WASHC2A: variants seen among roughly 807,000 people sequenced by gnomAD.
WASHC2A encodes WASH complex subunit 2A.
WASHC2A carries 82 observed loss-of-function variants against 140.3 expected under a neutral mutation model. The ratio of observed to expected loss-of-function variants is 0.58; its 90% CI spans 0.49 to 0.70. WASHC2A has a LOEUF of 0.70. Ranked by LOEUF, WASHC2A falls within the 30% of genes least tolerant of loss-of-function variation. The pLI is 0.00. For synonymous variants in WASHC2A, 340 were observed against 560.8 expected, an observed-to-expected ratio of 0.61 and a Z score of 5.56; for missense variants, 985 against 1,521.8, an observed-to-expected ratio of 0.65 and a Z score of 5.87.
At chr10:50,090,376 G>A (rs1424756475) in intron 8 of WASHC2A, among the ~76,000 whole-genome samples, 3 of 150,538 alleles carry the variant, frequency 2.0e-5, no homozygotes, top group East Asian at 2.0e-4. Context: ...GGTGGTGCAT[G>A]CGTGTAATCC....
chr10:50,123,232 G>A lies in WASHC2A; in HGVS notation c.2479-1881G>A, dbSNP rs1414516430. Among the ~76,000 whole-genome samples the A allele has an allele frequency of 4.9e-5, 6 of 122,334 alleles. No individual in the cohort carries two copies. In the South Asian group the frequency reaches 1.7e-3, roughly 34 times the overall value. The allele number at this position is 122,334 out of a possible 152,430, so 80.3% of individuals were successfully genotyped here. A position where few individuals can be genotyped will look rare whatever the true frequency, so the allele number is the denominator to read the frequency against. On this transcript the variant is annotated intron_variant, in intron 23 of 30. Transcript: ENST00000282633. Reference sequence around the variant, plus strand: ...ATAACATAAAGCTACCACACAATCCGGAATTTTATTCCTGGGTACATATCC... The same window carrying A: ...ATAACATAAAGCTACCACACAATCCAGAATTTTATTCCTGGGTACATATCC...
intron 28 of WASHC2A, among the ~76,000 whole-genome samples, chr10:50,128,235 C>T (rs1372809932): frequency 6.6e-6 from 1 of 151,976 alleles, no homozygotes; most frequent in Admixed American, 6.6e-5. Flanking sequence ...TCACTTCACA[C>T]TTTCCAGCCT....
intron 5 of WASHC2A, among the ~76,000 whole-genome samples, chr10:50,082,469 A>G (rs1554879996): frequency 7.4e-6 from 1 of 134,800 alleles, no homozygotes; most frequent in African/African-American, 2.5e-5. Flanking sequence ...AGGGTGGAGC[A>G]CTTTCTTGAC....
rs1405476342 is a variant in WASHC2A, at chr10:50,129,832, A to C, written c.3501A>C (p.Ala1167=). The change falls in exon 29 of 31, where the codon GCA becomes GCC. Residue 1167 remains alanine (A), a synonymous_variant. Coordinates refer to ENST00000282633, the MANE Select transcript of WASHC2A (RefSeq NM_001005751.3). ...NPANPPVGGK[A]KSPMFPALGE... is the part of the protein sequence containing the mutation. ...CCAACCCACCAGTGGGTGGTAAAGC[A>C]AAGAGCCCCATGTTTCCTGCTCTAG... 1 of 1,611,948 alleles carries C rather than the reference A, an allele frequency of 6.2e-7. No homozygotes were observed. The highest frequency in any genetic ancestry group is 8.5e-7 in the Non-Finnish European group (1 of 1,179,878).
rs1249825892 is a variant in WASHC2A at position 50,081,553 on chromosome 10, C to T, written c.528+622C>T. 2.0e-3 allele frequency among the ~76,000 whole-genome samples: 280 copies of T among 138,712 alleles called. 1 individual carries two copies. The highest frequency in any genetic ancestry group is 7.4e-3 in the African/African-American group (273 of 36,818). The allele number at this position is 138,712 out of a possible 152,430, so 91.0% of individuals were successfully genotyped here. A position where few individuals can be genotyped will look rare whatever the true frequency, so the allele number is the denominator to read the frequency against. ...TGACACAGAGTCTCTCGGTAGTGAA[C>T]ACAGAAAGTTACCACAGTGATTTAT... is the stretch of plus-strand genomic sequence containing the variant. On this transcript the variant is annotated intron_variant, in intron 5 of 30. Coordinates refer to ENST00000282633, the MANE Select transcript of WASHC2A (RefSeq NM_001005751.3).
intron 20 of WASHC2A, among the ~76,000 whole-genome samples, chr10:50,111,694 T>C (rs1842300377): frequency 6.6e-6 from 1 of 152,186 alleles, no homozygotes; most frequent in Non-Finnish European, 1.5e-5. Context: ...CTGTGTTGCC[T>C]GGCCACCTTC....
chr10:50,097,937 T>G, intron 16 of WASHC2A, 135 bp downstream of exon 16: 1 of 1,244,900 alleles, frequency 8.0e-7, no homozygotes, highest in Non-Finnish European at 1.1e-6. Context: ...GAAAGAACAT[T>G]GCAGTGAACA....
chr10:50,088,945 C>A, intron 8 of WASHC2A, among the ~76,000 whole-genome samples: 1 of 94,988 alleles, frequency 1.1e-5, no homozygotes, highest in East Asian at 2.5e-4. Context: ...TAAATGCAAA[C>A]AGTTTTTCTT....
intron 8 of WASHC2A, among the ~76,000 whole-genome samples, chr10:50,090,515 A>AAAAAAAATATATATATATATATAT (rs1214596899): frequency 6.4e-5 from 7 of 108,760 alleles, no homozygotes; most frequent in African/African-American, 2.3e-4. Flanking sequence ...AAAAAAAAAA[A>AAAAAAAATATATATATATATATAT]ATATATATAT....
At chr10:50,098,259 T>C in intron 16 of WASHC2A, among the ~76,000 whole-genome samples, 1 of 152,134 alleles carries the variant, frequency 6.6e-6, no homozygotes, top group South Asian at 2.1e-4. Context: ...CCAGAATGTC[T>C]TTGTAAAATC....
chr10:50,129,540 C>T lies in WASHC2A; in HGVS notation c.3209C>T (p.Ala1070Val). 6.2e-7 allele frequency: 1 copy of T among 1,612,022 alleles called. No individual in the cohort carries two copies. Among genetic ancestry groups the T allele is most frequent in the South Asian group, 1.1e-5 (1 of 90,988 alleles). Residue 1070 changes from alanine to valine, a missense_variant, in exon 29 of 31, where the codon GCT becomes GTT. Transcript: ENST00000282633. ...SVPRGPIAQW[A>V]DGAISPNGHR... is the part of the protein sequence containing the mutation. Reference sequence around the variant, plus strand: ...CCCAGAGGACCCATTGCACAGTGGGCTGATGGCGCCATTTCCCCAAATGGC... The same window carrying T: ...CCCAGAGGACCCATTGCACAGTGGGTTGATGGCGCCATTTCCCCAAATGGC...
chr10:50,094,622 C>T lies in WASHC2A; in HGVS notation c.1181-526C>T, dbSNP rs1369653448. Reference sequence around the variant, plus strand: ...GGCATCAGAGCTGGGCCTTGGAGGCCGCTCCTTGTGCCTGCTGTGCGGGCT... The same window carrying T: ...GGCATCAGAGCTGGGCCTTGGAGGCTGCTCCTTGTGCCTGCTGTGCGGGCT... On this transcript the variant is annotated intron_variant, in intron 13 of 30. Coordinates refer to ENST00000282633, the MANE Select transcript of WASHC2A (RefSeq NM_001005751.3). Among the ~76,000 whole-genome samples, 243 of 152,046 alleles carry T rather than the reference C, an allele frequency of 1.6e-3. 1 individual carries two copies. The highest frequency in any genetic ancestry group is 2.7e-3 in the South Asian group (13 of 4,804).
rs1284206947 is a variant in WASHC2A, at chr10:50,112,060, C to T, written c.2039+1790C>T. 53 of 985,152 alleles carry T rather than the reference C, an allele frequency of 5.4e-5. No homozygotes were observed. In the Admixed American group the frequency reaches 1.7e-3, roughly 31 times the overall value. 61.0% of individuals were successfully genotyped at this position (985,152 alleles called of 1,614,324 possible). A position where few individuals can be genotyped will look rare whatever the true frequency, so the allele number is the denominator to read the frequency against. ...AAGGCCTTTCCTAACTTTAAACAGA[C>T]GAGAAAGAGAAGAAGTAGGGAGTCG... On this transcript the variant is annotated intron_variant, in intron 20 of 30. Transcript: ENST00000282633.
At chr10:50,105,641 C>T (rs1446870838) in intron 18 of WASHC2A, among the ~76,000 whole-genome samples, 2 of 150,918 alleles carry the variant, frequency 1.3e-5, no homozygotes, top group African/African-American at 4.9e-5. Flanking sequence ...TTTGTCCATC[C>T]TAACTCAGAT....
At chr10:50,130,785 C>T (rs1843892582) in intron 29 of WASHC2A, 116 bp from the exon 30 acceptor site, 6 of 1,509,734 alleles carry the variant, frequency 4.0e-6, no homozygotes, top group Non-Finnish European at 5.4e-6. Context: ...AGTGGGCAGT[C>T]TCGAGGCTGT....
chr10:50,133,412 G>A lies in WASHC2A; in HGVS notation c.*467G>A, dbSNP rs1844149489. On this transcript the variant is annotated 3_prime_UTR_variant, in exon 31 of 31. Transcript: ENST00000282633. ...TGGGAGCAGGTTTTCACTGAATTCT[G>A]AGGGTGCCTCTGCATGTCCTCCAAG... 2.1e-6 allele frequency: 1 copy of A among 471,622 alleles called. No homozygotes were observed. The highest frequency in any genetic ancestry group is 2.3e-5 in the Admixed American group (1 of 42,642). The allele number at this position is 471,622 out of a possible 1,614,324, so 29.2% of individuals were successfully genotyped here.
chr10:50,131,004 C>A lies in WASHC2A; in HGVS notation c.3812C>A (p.Ala1271Asp). 6.2e-7 allele frequency: 1 copy of A among 1,610,388 alleles called. No individual in the cohort carries two copies. The highest frequency in any genetic ancestry group is 8.5e-7 in the Non-Finnish European group (1 of 1,178,852). The change falls in exon 30 of 31, where the codon GCT becomes GAT. Residue 1271 changes from alanine to aspartate, a missense_variant. Physicochemically the swap from Ala to Asp is moderately radical, Grantham distance 126 (BLOSUM62 -2). Coordinates refer to ENST00000282633, the MANE Select transcript of WASHC2A (RefSeq NM_001005751.3). ...TTTGATGATAACATTGATATCTTTG[C>A]TGACTTAACTGTAAAACCAAAAGAA... ...NLFDDNIDIF[A>D]DLTVKPKEKS...
intron 27 of WASHC2A, 114 bp downstream of exon 27, chr10:50,127,336 C>T (rs1843522530): frequency 1.9e-6 from 3 of 1,588,554 alleles, no homozygotes; most frequent in Non-Finnish European, 2.6e-6. Context: ...CCCCCGCCTC[C>T]CCTCCCCTGC....
chr10:50,131,907 T>G (rs1278713102), intron 30 of WASHC2A, among the ~76,000 whole-genome samples: 2 of 152,224 alleles, frequency 1.3e-5, no homozygotes, highest in Non-Finnish European at 2.9e-5. Context: ...TCAGAAAATG[T>G]AAGAAGTGAA....
Sources: gnomAD v4.1 joint callset for allele counts (sites outside exome capture counted in the v4.1 genomes callset) on GRCh38, gnomAD v4.1.1 for gene constraint, MANE v1.5 for transcripts, NCBI Gene and HGNC (gene_info 2026-07-23, HGNC 2026-07-21) for gene names.